The following FUCA2 variants were observed in gnomAD, a reference collection of about 807,000 sequenced individuals.
The protein encoded by FUCA2 is alpha-L-fucosidase 2, also known as plasma alpha-L-fucosidase.
FUCA2 carries 41 observed loss-of-function variants against 52.6 expected under a neutral mutation model. The ratio of observed to expected loss-of-function variants is 0.78; its 90% CI spans 0.61 to 1.01. The LOEUF (loss-of-function observed/expected upper bound fraction) is 1.01, where lower values mean the gene tolerates loss of function less well. Among genes scored for constraint, FUCA2 ranks in the 50% least tolerant of loss-of-function variants. FUCA2 has a pLI of 0.00. For missense variants in FUCA2, 507 were observed against 569.5 expected (o/e 0.89, Z 1.12); for synonymous variants, 211 against 217.3 (o/e 0.97, Z 0.26).
At chr6:143,506,972 T>A (rs1030800968) in intron 2 of FUCA2, 1 of 404,176 alleles carries the variant, frequency 2.5e-6, no homozygotes, top group Non-Finnish European at 4.4e-6. Flanking sequence ...CAGCTTTAAG[T>A]AAATCTTGGA....
chr6:143,502,649 G>A lies in FUCA2; in HGVS notation c.753-84C>T. ...AATGTCACTGAAAAGACATGTAATT[G>A]AAATACAATTCTGAAAAGGGACCAT... On this transcript the variant is annotated intron_variant, in intron 3 of 6. Transcript: ENST00000002165. The surrounding 1 kb of genome is among the most constrained non-coding windows in gnomAD (Gnocchi z 4.1). 1 of 1,189,748 alleles carries A rather than the reference G, an allele frequency of 8.4e-7. No homozygotes were observed. Among genetic ancestry groups the A allele is most frequent in the Non-Finnish European group, 1.2e-6 (1 of 836,384 alleles). 73.7% of individuals were successfully genotyped at this position (1,189,748 alleles called of 1,614,324 possible). A position where few individuals can be genotyped will look rare whatever the true frequency, so the allele number is the denominator to read the frequency against.
rs1285383775 is a variant in FUCA2, at chr6:143,510,626, G to A, written c.224+785C>T. Among the ~76,000 whole-genome samples the A allele has an allele frequency of 2.7e-5, 4 of 146,508 alleles. No homozygotes were observed. Among genetic ancestry groups the A allele is most frequent in the African/African-American group, 1.0e-4 (4 of 39,516 alleles). Reference sequence around the variant, plus strand: ...TGCACTCCAGCCTGGGTGACAGAATGAGACTATGTCTCAAAAAAAAAAAAA... The same window carrying A: ...TGCACTCCAGCCTGGGTGACAGAATAAGACTATGTCTCAAAAAAAAAAAAA... On this transcript the variant is annotated intron_variant, in intron 1 of 6. Coordinates refer to ENST00000002165, the MANE Select transcript of FUCA2 (RefSeq NM_032020.5). This position sits in a 1 kb window ranked among gnomAD's most constrained non-coding sequence, Gnocchi z 4.4.
chr6:143,495,037 C>A lies in FUCA2; in HGVS notation c.*670G>T. On this transcript the variant is annotated 3_prime_UTR_variant, in exon 7 of 7. Coordinates refer to ENST00000002165, the MANE Select transcript of FUCA2 (RefSeq NM_032020.5). The surrounding 1 kb of genome is among the most constrained non-coding windows in gnomAD (Gnocchi z 5.2). ...AGGCCTTCACATTCACTCACTGACT[C>A]ACCCAGAGCAACTTCCAGTCCTGTA... 1 of 153,268 alleles carries A rather than the reference C, an allele frequency of 6.5e-6. No individual in the cohort carries two copies. Among genetic ancestry groups the A allele is most frequent in the South Asian group, 2.0e-4 (1 of 5,124 alleles). The allele number at this position is 153,268 out of a possible 1,614,324, so 9.5% of individuals were successfully genotyped here. A position where few individuals can be genotyped will look rare whatever the true frequency, so the allele number is the denominator to read the frequency against.
At chr6:143,505,579 AGTGTT>A (rs2128422352) in intron 2 of FUCA2, 1 of 152,284 alleles carries the variant, frequency 6.6e-6, no homozygotes, top group African/African-American at 2.4e-5. Flanking sequence ...GGCCTCCCAA[AGTGTT>A]GGAATTATAG....
chr6:143,502,191 A>G lies in FUCA2; in HGVS notation c.964-69T>C. 7.5e-7 allele frequency: 1 copy of G among 1,340,436 alleles called. No individual in the cohort carries two copies. Among genetic ancestry groups the G allele is most frequent in the Non-Finnish European group, 1.0e-6 (1 of 978,180 alleles). 83.0% of individuals were successfully genotyped at this position (1,340,436 alleles called of 1,614,324 possible). ...CATCTTTAATGTGCTAATATGTTGCATTTATATATTTATACATGTATATAT... is the reference window on the plus strand; with the variant it reads ...CATCTTTAATGTGCTAATATGTTGCGTTTATATATTTATACATGTATATAT... On this transcript the variant is annotated intron_variant, in intron 4 of 6. Transcript: ENST00000002165. This position sits in a 1 kb window ranked among gnomAD's most constrained non-coding sequence, Gnocchi z 4.1.
Position 143,509,390 on chromosome 6 carries a change from A to G in FUCA2, c.225-1966T>C, listed in dbSNP as rs1031661879. 3.9e-5 allele frequency among the ~76,000 whole-genome samples: 6 copies of G among 152,220 alleles called. No homozygotes were observed. Among genetic ancestry groups the G allele is most frequent in the Non-Finnish European group, 7.3e-5 (5 of 68,040 alleles). ...CAGGAATCTGTTCTCTATTTTGTTTAGTATGAGAAGTATCTTTATTATTCT... is the reference window on the plus strand; with the variant it reads ...CAGGAATCTGTTCTCTATTTTGTTTGGTATGAGAAGTATCTTTATTATTCT... On this transcript the variant is annotated intron_variant, in intron 1 of 6. Coordinates refer to ENST00000002165, the MANE Select transcript of FUCA2 (RefSeq NM_032020.5). This position sits in a 1 kb window ranked among gnomAD's most constrained non-coding sequence, Gnocchi z 5.4.
rs967489305 is a variant in FUCA2, at chr6:143,502,023, G to A, written c.1063C>T (p.Gln355Ter). 26 of 1,613,678 alleles carry A rather than the reference G, an allele frequency of 1.6e-5. No individual in the cohort carries two copies. Among genetic ancestry groups the A allele is most frequent in the African/African-American group, 2.7e-5 (2 of 74,850 alleles). Residue 355 changes from glutamine to a stop codon, truncating the protein, a stop_gained, in exon 5 of 7, where the codon CAA becomes TAA. Transcript: ENST00000002165. LOFTEE classifies it high-confidence loss of function. The surrounding 1 kb of genome is among the most constrained non-coding windows in gnomAD (Gnocchi z 4.1). ...TTGACTTTTAGCCAGGACCCCATTT[G>A]CCTCAGTCGCTCCTCAAAAACTACA... ...ISVVFEERLR[Q>*]MGSWLKVNGE...
rs764222848 is a variant in FUCA2 at position 143,495,657 on chromosome 6, T to C, written c.*50A>G. On this transcript the variant is annotated 3_prime_UTR_variant, in exon 7 of 7. Coordinates refer to ENST00000002165, the MANE Select transcript of FUCA2 (RefSeq NM_032020.5). This position sits in a 1 kb window ranked among gnomAD's most constrained non-coding sequence, Gnocchi z 5.2. ...ATGTGCTACAATTATAGACACCTGA[T>C]AGTTCCTAGCCTTAGACATAACTTG... 7.7e-6 allele frequency: 12 copies of C among 1,559,546 alleles called. No homozygotes were observed. In the Admixed American group the frequency reaches 1.8e-4, roughly 23 times the overall value.
Position 143,511,674 on chromosome 6 carries a change from C to G in FUCA2, c.-40G>C, listed in dbSNP as rs1780687570. On this transcript the variant is annotated 5_prime_UTR_variant, in exon 1 of 7. Coordinates refer to ENST00000002165, the MANE Select transcript of FUCA2 (RefSeq NM_032020.5). The surrounding 1 kb of genome is among the most constrained non-coding windows in gnomAD (Gnocchi z 6.3). ...CGGCTGTCCTCTCTGCAGGCTCCCG[C>G]GGCCTCGGGAGCGCTGTTCTTCCGT... 7.0e-7 allele frequency: 1 copy of G among 1,424,012 alleles called. No homozygotes were observed. Among genetic ancestry groups the G allele is most frequent in the Non-Finnish European group, 9.2e-7 (1 of 1,087,042 alleles). The allele number at this position is 1,424,012 out of a possible 1,614,324, so 88.2% of individuals were successfully genotyped here.
At chr6:143,506,942 C>A in intron 2 of FUCA2, 1 of 317,726 alleles carries the variant, frequency 3.1e-6, no homozygotes, top group South Asian at 4.5e-5. Flanking sequence ...TGACTTGCAA[C>A]CCACACTCCC....
rs1333341675 is a variant in FUCA2, at chr6:143,509,736, G to C, written c.224+1675C>G. On this transcript the variant is annotated intron_variant, in intron 1 of 6. Transcript: ENST00000002165. The surrounding 1 kb of genome is among the most constrained non-coding windows in gnomAD (Gnocchi z 5.4). ...ATCTTTTTGAAGTAGCTATGTTTTG[G>C]CATAAGAATAAAGAGTCTCTGTTTT... Among the ~76,000 whole-genome samples, 2 of 152,094 alleles carry C rather than the reference G, an allele frequency of 1.3e-5. No individual in the cohort carries two copies. Among genetic ancestry groups the C allele is most frequent in the Non-Finnish European group, 2.9e-5 (2 of 68,004 alleles).
rs1441110244 is a variant in FUCA2 at position 143,501,952 on chromosome 6, G to A, written c.1134C>T (p.Asp378=). Residue 378 remains aspartate, a synonymous_variant, in exon 5 of 7, where the codon GAC becomes GAT. Coordinates refer to ENST00000002165, the MANE Select transcript of FUCA2 (RefSeq NM_032020.5). The surrounding 1 kb of genome is among the most constrained non-coding windows in gnomAD (Gnocchi z 6.1). The part of the protein sequence containing the change: ...YETHTWRSQN[D]TVTPDVWYTS... ...CTTACCACACATCTGGGGTGACAGT[G>A]TCATTCTGGGATCGCCAGGTATGGG... The A allele has an allele frequency of 1.2e-6, 2 of 1,613,566 alleles. No individual in the cohort carries two copies. The highest frequency in any genetic ancestry group is 1.3e-5 in the African/African-American group (1 of 74,872).
In FUCA2 at chr6:143,497,142, T is replaced by G. The variant is rs1584024612; in HGVS notation, c.1263+247A>C. The G allele has an allele frequency of 7.5e-6, 3 of 399,050 alleles. No individual in the cohort carries two copies. The highest frequency in any genetic ancestry group is 9.7e-5 in the East Asian group (2 of 20,638). The allele number at this position is 399,050 out of a possible 1,614,324, so 24.7% of individuals were successfully genotyped here. On this transcript the variant is annotated intron_variant, in intron 6 of 6. Coordinates refer to ENST00000002165, the MANE Select transcript of FUCA2 (RefSeq NM_032020.5). The surrounding 1 kb of genome is among the most constrained non-coding windows in gnomAD (Gnocchi z 5.3). ...GCTCAGCTAACTTTAAAAAAAATTT[T>G]TGTAGACAGGGGTCTTGCTATGTTG...
In FUCA2 at chr6:143,511,300, C is replaced by T; in HGVS notation, c.224+111G>A. 3.0e-6 allele frequency: 3 copies of T among 989,232 alleles called. No individual in the cohort carries two copies. The highest frequency in any genetic ancestry group is 1.9e-5 in the South Asian group (1 of 51,570). 61.3% of individuals were successfully genotyped at this position (989,232 alleles called of 1,614,324 possible). On this transcript the variant is annotated intron_variant, in intron 1 of 6. Coordinates refer to ENST00000002165, the MANE Select transcript of FUCA2 (RefSeq NM_032020.5). The surrounding 1 kb of genome is among the most constrained non-coding windows in gnomAD (Gnocchi z 6.3). ...CGGGTAACGCAGTGGGAGGTGAAAC[C>T]GACGAGGGTGCAGGCAGCACCAGGC...
Position 143,497,497 on chromosome 6 carries a change from C to T in FUCA2, c.1155G>A (p.Trp385Ter), listed in dbSNP as rs748436332. The T allele has an allele frequency of 1.9e-5, 30 of 1,583,602 alleles. No individual in the cohort carries two copies. The highest frequency in any genetic ancestry group is 2.4e-5 in the Non-Finnish European group (28 of 1,154,060). Reference protein sequence around the residue: ...SQNDTVTPDVWYTSKPKEKLV... With the variant: ...SQNDTVTPDV ...ATTTTTCTTTAGGCTTGGATGTGTACCTGGTTAAAAGAAAAAAATAAAGAG... is the reference window on the plus strand; with the variant it reads ...ATTTTTCTTTAGGCTTGGATGTGTATCTGGTTAAAAGAAAAAAATAAAGAG... The change falls in exon 6 of 7, where the codon TGG (tryptophan) becomes TGA (stop). Residue 385 changes from tryptophan to a stop codon, truncating the protein, a stop_gained and splice_region_variant. Transcript: ENST00000002165. LOFTEE classifies it high-confidence loss of function. This position sits in a 1 kb window ranked among gnomAD's most constrained non-coding sequence, Gnocchi z 5.3.
chr6:143,502,283 A>G lies in FUCA2; in HGVS notation c.963+72T>C. ...CTATATTTATAGGCCATTGAGCCAT[A>G]GAAGAAATAATTCCTACATGACCAC... On this transcript the variant is annotated intron_variant, in intron 4 of 6. Coordinates refer to ENST00000002165, the MANE Select transcript of FUCA2 (RefSeq NM_032020.5). The surrounding 1 kb of genome is among the most constrained non-coding windows in gnomAD (Gnocchi z 4.1). 6.8e-7 allele frequency: 1 copy of G among 1,476,918 alleles called. No homozygotes were observed. The highest frequency in any genetic ancestry group is 1.8e-5 in the Admixed American group (1 of 55,234). The allele number at this position is 1,476,918 out of a possible 1,614,324, so 91.5% of individuals were successfully genotyped here.
In FUCA2 at chr6:143,510,346, C is replaced by T. The variant is rs541710725; in HGVS notation, c.224+1065G>A. 3.3e-5 allele frequency among the ~76,000 whole-genome samples: 5 copies of T among 151,986 alleles called. No homozygotes were observed. In the South Asian group the frequency reaches 8.3e-4, roughly 25 times the overall value. ...TCAAATAAATACTGTTTAATGATTC[C>T]GTTCTTTTACTTAAGAATATATTAT... On this transcript the variant is annotated intron_variant, in intron 1 of 6. Coordinates refer to ENST00000002165, the MANE Select transcript of FUCA2 (RefSeq NM_032020.5). This position sits in a 1 kb window ranked among gnomAD's most constrained non-coding sequence, Gnocchi z 4.4.
rs34953496 is a variant in FUCA2, at chr6:143,494,950, T to TAA, written c.*755_*756dup. 43,872 of 151,842 alleles carry TAA rather than the reference T, an allele frequency of 0.29. 7,835 individuals are homozygous for TAA. Among genetic ancestry groups the TAA allele is most frequent in the Non-Finnish European group, 0.41 (27,812 of 67,794 alleles). 9.4% of individuals were successfully genotyped at this position (151,842 alleles called of 1,614,324 possible). A position where few individuals can be genotyped will look rare whatever the true frequency, so the allele number is the denominator to read the frequency against. On this transcript the variant is annotated 3_prime_UTR_variant, in exon 7 of 7. Transcript: ENST00000002165. The surrounding 1 kb of genome is among the most constrained non-coding windows in gnomAD (Gnocchi z 6.6). ...TTGAAGAAAGAAAAACTTTTTTTTA[T>TAA]AAATGTAGTGTAGCCTAAGCATACA...
At position 143,511,559 on chromosome 6, in the gene FUCA2, A is replaced by ACGG. The variant is rs764488266; in HGVS notation, c.73_75dup (p.Pro25dup). The ACGG allele has an allele frequency of 1.2e-5, 19 of 1,571,036 alleles. No homozygotes were observed. The highest frequency in any genetic ancestry group is 1.7e-4 in the Middle Eastern group (1 of 5,968). On this transcript the variant is annotated inframe_insertion, in exon 1 of 7. Transcript: ENST00000002165. The surrounding 1 kb of genome is among the most constrained non-coding windows in gnomAD (Gnocchi z 6.3). ...AAGCGCGTGGCGCTGTGGGCAGGGC[A>ACGG]CGGCGGCGGCGGCAGCAGCAGCAAC...
Sources: allele counts gnomAD v4.1 joint callset (sites outside exome capture counted in the v4.1 genomes callset), GRCh38; gene constraint gnomAD v4.1.1; non-coding constraint Gnocchi (gnomAD v3.1); transcripts MANE v1.5; gene names NCBI Gene and HGNC (gene_info 2026-07-23, HGNC 2026-07-21).